RSBN1L: variants seen among roughly 807,000 people sequenced by gnomAD.
The protein encoded by RSBN1L is round spermatid basic protein 1 like, also known as lysine-specific demethylase RSBN1L.
Under a neutral mutation model 67.7 loss-of-function variants are expected in RSBN1L, and 30 were observed. The observed-to-expected ratio is 0.44, with a 90% CI of 0.33 to 0.60. RSBN1L has a LOEUF of 0.60. Among genes scored for constraint, RSBN1L ranks in the 20% least tolerant of loss-of-function variants. RSBN1L has a pLI of 0.02. For synonymous variants in RSBN1L, 433 were observed against 387.0 expected (o/e 1.12, Z -1.39); for missense variants, 992 against 1,031.7 (o/e 0.96, Z 0.53).
chr7:77,741,014 T>C (rs1791403022), intron 2 of RSBN1L, among the ~76,000 whole-genome samples: 1 of 145,102 alleles, frequency 6.9e-6, no homozygotes, highest in Non-Finnish European at 1.5e-5. Flanking sequence ...TGAGACGGAG[T>C]TTCACTGTGA....
intron 2 of RSBN1L, among the ~76,000 whole-genome samples, chr7:77,740,842 T>C (rs1476099620): frequency 6.6e-6 from 1 of 152,030 alleles, no homozygotes; most frequent in African/African-American, 2.4e-5. Context: ...TGTTTCTGAT[T>C]CCCTCACTCC....
chr7:77,770,655 TG>T (rs1473080599), intron 5 of RSBN1L, among the ~76,000 whole-genome samples: 2 of 152,144 alleles, frequency 1.3e-5, no homozygotes, highest in Non-Finnish European at 2.9e-5. Context: ...CACTCCAGCC[TG>T]GGTGACAGAA....
At chr7:77,747,914 G>T (rs560481939) in intron 2 of RSBN1L, among the ~76,000 whole-genome samples, 8 of 151,084 alleles carry the variant, frequency 5.3e-5, no homozygotes, top group African/African-American at 9.8e-5. Flanking sequence ...AGCTTCTCGG[G>T]GGGGAGCTCA....
intron 3 of RSBN1L, among the ~76,000 whole-genome samples, chr7:77,753,106 A>G (rs186075886): frequency 3.9e-5 from 6 of 152,182 alleles, no homozygotes; most frequent in Admixed American, 3.9e-4. Context: ...CACGGATGCT[A>G]TGAATATTTT....
chr7:77,739,658 G>A (rs1441570536), intron 2 of RSBN1L, among the ~76,000 whole-genome samples: 1 of 125,476 alleles, frequency 8.0e-6, no homozygotes, highest in African/African-American at 3.0e-5. Flanking sequence ...GGCTGCAGCC[G>A]AGATTGTGCC....
rs184072588 is a variant in RSBN1L, at chr7:77,703,079, G to A, written c.586+6024G>A. Among the ~76,000 whole-genome samples, 134 of 152,214 alleles carry A rather than the reference G, an allele frequency of 8.8e-4. 1 individual carries two copies. Among genetic ancestry groups the A allele is most frequent in the South Asian group, 1.2e-3 (6 of 4,822 alleles). On this transcript the variant is annotated intron_variant, in intron 1 of 7. Coordinates refer to ENST00000334955, the MANE Select transcript of RSBN1L (RefSeq NM_198467.3). The stretch of plus-strand genomic sequence containing the variant: ...TGACAGGGTTCTAGCGCTTCATGGG[G>A]GAAGAAAGCTACAAGTCTTGTCATT...
At chr7:77,720,437 G>A (rs1355335503) in intron 1 of RSBN1L, among the ~76,000 whole-genome samples, 7 of 152,080 alleles carry the variant, frequency 4.6e-5, no homozygotes, top group African/African-American at 1.2e-4. Flanking sequence ...CTGCATGCCC[G>A]TAATCCCAGC....
intron 3 of RSBN1L, 25 bp from the exon 4 acceptor site, chr7:77,765,470 T>C (rs1221379241): frequency 2.0e-6 from 3 of 1,504,044 alleles, no homozygotes; most frequent in Non-Finnish European, 2.7e-6. Flanking sequence ...GTATTTAACT[T>C]TTAATTAAAT....
chr7:77,744,091 G>A (rs1455146677), intron 2 of RSBN1L, among the ~76,000 whole-genome samples: 2 of 151,678 alleles, frequency 1.3e-5, no homozygotes, highest in African/African-American at 4.8e-5. Context: ...GGGTGCAGTG[G>A]CATGATCATG....
intron 6 of RSBN1L, among the ~76,000 whole-genome samples, chr7:77,774,013 A>T (rs974704271): frequency 2.6e-5 from 4 of 152,196 alleles, no homozygotes; most frequent in Admixed American, 6.5e-5. Flanking sequence ...ACAGTCATAT[A>T]GTTAATAAAT....
intron 2 of RSBN1L, among the ~76,000 whole-genome samples, chr7:77,748,753 G>A (rs1367376863): frequency 6.6e-6 from 1 of 152,086 alleles, no homozygotes; most frequent in Non-Finnish European, 1.5e-5. Context: ...CCAAAGTGCT[G>A]GGATTACAGG....
chr7:77,753,454 TTTC>T (rs1160105526), intron 3 of RSBN1L, among the ~76,000 whole-genome samples: 1 of 152,224 alleles, frequency 6.6e-6, no homozygotes, highest in African/African-American at 2.4e-5. Context: ...ACTCTGTCAA[TTTC>T]TTATTTGCTT....
At chr7:77,762,904 G>C (rs1417799716) in intron 3 of RSBN1L, among the ~76,000 whole-genome samples, 1 of 151,716 alleles carries the variant, frequency 6.6e-6, no homozygotes, top group Non-Finnish European at 1.5e-5. Flanking sequence ...TCGTATTTTA[G>C]AAGAATTCAC....
At chr7:77,725,876 G>A (rs952182297) in intron 1 of RSBN1L, among the ~76,000 whole-genome samples, 2 of 152,070 alleles carry the variant, frequency 1.3e-5, no homozygotes, top group Non-Finnish European at 1.5e-5. Flanking sequence ...GAGCCACTGC[G>A]CCTGGCTAAG....
In RSBN1L at chr7:77,773,177, C is replaced by G; in HGVS notation, c.1656C>G (p.Tyr552Ter). 1.2e-6 allele frequency: 2 copies of G among 1,605,442 alleles called. No homozygotes were observed. The highest frequency in any genetic ancestry group is 1.7e-6 in the Non-Finnish European group (2 of 1,177,164). The change falls in exon 6 of 8, where the codon TAC (tyrosine) becomes TAG (stop). Residue 552 changes from tyrosine to a stop codon, truncating the protein, a stop_gained. Transcript: ENST00000334955. LOFTEE classifies it high-confidence loss of function. ...RTTNEIKNLQ[Y>*]LPRTSEPREM... ...CCAATGAAATAAAAAATCTTCAGTA[C>G]CTACCTCGAACAAGTGAGCCCCGTG...
chr7:77,737,990 T>C (rs1791358834), intron 2 of RSBN1L, among the ~76,000 whole-genome samples: 2 of 149,582 alleles, frequency 1.3e-5, no homozygotes, highest in Admixed American at 6.7e-5. Flanking sequence ...CCCACTGTAC[T>C]CCAGCCTGGG....
At chr7:77,771,485 T>C (rs1186465250) in intron 5 of RSBN1L, among the ~76,000 whole-genome samples, 1 of 150,348 alleles carries the variant, frequency 6.7e-6, no homozygotes, top group African/African-American at 2.5e-5. Flanking sequence ...TAGTAAATGG[T>C]AAAATTGATG....
intron 3 of RSBN1L, 108 bp from the exon 4 acceptor site, chr7:77,765,387 G>A: frequency 1.1e-6 from 1 of 876,106 alleles, no homozygotes. Flanking sequence ...ATAATTTATT[G>A]CTACAAAATG....
In RSBN1L at chr7:77,780,496, T is replaced by A. The variant is rs905199666; in HGVS notation, c.*1328T>A. The A allele has an allele frequency of 2.0e-5, 3 of 152,178 alleles. No homozygotes were observed. Among genetic ancestry groups the A allele is most frequent in the African/African-American group, 4.8e-5 (2 of 41,446 alleles). The allele number at this position is 152,178 out of a possible 1,614,324, so 9.4% of individuals were successfully genotyped here. On this transcript the variant is annotated 3_prime_UTR_variant, in exon 8 of 8. Coordinates refer to ENST00000334955, the MANE Select transcript of RSBN1L (RefSeq NM_198467.3). ...TTTAGAGAATTTTCTTACTAGTAAG[T>A]ACCTTTACTAAGTAATAGCTAAGTA...
Sources: allele counts gnomAD v4.1 joint callset (sites outside exome capture counted in the v4.1 genomes callset), GRCh38; gene constraint gnomAD v4.1.1; transcripts MANE v1.5; gene names NCBI Gene and HGNC (gene_info 2026-07-23, HGNC 2026-07-21).